NEK10: variants seen among roughly 807,000 people sequenced by gnomAD.
The protein encoded by NEK10 is serine/threonine-protein kinase Nek10.
In NEK10, 122 loss-of-function variants were observed where a neutral mutation model predicts 159.8. The ratio of observed to expected loss-of-function variants is 0.76; its 90% CI spans 0.66 to 0.89. The LOEUF is 0.89. NEK10 is among the 40% of genes least tolerant of loss of function. The pLI, the probability that NEK10 is intolerant of heterozygous loss-of-function variation, is 0.00. For missense variants in NEK10, 1,342 were observed against 1,323.1 expected (o/e 1.01, Z -0.22); for synonymous variants, 466 against 457.1 (o/e 1.02, Z -0.25).
In NEK10 at chr3:27,162,693, TAA is replaced by T. The variant is rs753169219; in HGVS notation, c.2869+6_2869+7del. ...TGTTTGATTTTATTGCTACCAACAC[TAA>T]GTTACCTGGTCTTGGTCTTGATCCT... On this transcript the variant is annotated splice_donor_region_variant and intron_variant, in intron 30 of 35. Coordinates refer to ENST00000691995, the MANE Select transcript of NEK10 (RefSeq NM_001394966.1). 7.0e-5 allele frequency: 113 copies of T among 1,613,940 alleles called. No homozygotes were observed. The Admixed American group carries it at 1.9e-3, about 27-fold the overall frequency.
chr3:27,368,887 T>C (rs1012323017), intron 1 of NEK10: 3 of 152,222 alleles, frequency 2.0e-5, no homozygotes, highest in African/African-American at 7.2e-5. Context: ...AGATGAAGAA[T>C]GAACCTCCAG....
intron 6 of NEK10, among the ~76,000 whole-genome samples, chr3:27,316,592 TG>T (rs2045203105): frequency 6.6e-6 from 1 of 151,892 alleles, no homozygotes; most frequent in Non-Finnish European, 1.5e-5. Flanking sequence ...AGCTTGGGAG[TG>T]GGAAGACACC....
At chr3:27,249,870 A>C (rs1955475313) in intron 23 of NEK10, among the ~76,000 whole-genome samples, 1 of 151,998 alleles carries the variant, frequency 6.6e-6, no homozygotes, top group Non-Finnish European at 1.5e-5. Context: ...ATTACTTTTT[A>C]CTTTTTGTGT....
intron 28 of NEK10, among the ~76,000 whole-genome samples, chr3:27,173,918 T>G (rs969074358): frequency 2.0e-5 from 3 of 152,196 alleles, no homozygotes; most frequent in Non-Finnish European, 4.4e-5. Flanking sequence ...TTTTCTTTAC[T>G]GTTTTAAATT....
At chr3:27,162,984 T>C (rs1469980880) in intron 29 of NEK10, among the ~76,000 whole-genome samples, 1 of 152,144 alleles carries the variant, frequency 6.6e-6, no homozygotes, top group African/African-American at 2.4e-5. Context: ...ACTAAGAGCC[T>C]AAATTTTAGG....
At chr3:27,301,639 G>C (rs1424761688) in intron 13 of NEK10, 57 bp downstream of exon 13, 4 of 1,329,542 alleles carry the variant, frequency 3.0e-6, no homozygotes, top group Middle Eastern at 1.8e-4. Context: ...ATCTATGATA[G>C]TGAATAATAA....
intron 3 of NEK10, among the ~76,000 whole-genome samples, chr3:27,347,090 G>A (rs1260143782): frequency 1.3e-5 from 2 of 152,068 alleles, no homozygotes; most frequent in African/African-American, 4.8e-5. Flanking sequence ...TTACAGATGA[G>A]GTAAGCAGAG....
chr3:27,331,262 A>AAAAAAAAAAAAAAAAAAAAACAC lies in NEK10; in HGVS notation c.363-9002_363-9001insGTGTTTTTTTTTTTTTTTTTTTT. Among the ~76,000 whole-genome samples the AAAAAAAAAAAAAAAAAAAAACAC allele has an allele frequency of 1.2e-4, 13 of 110,140 alleles. 2 individuals carry two copies. The highest frequency in any genetic ancestry group is 2.2e-4 in the Non-Finnish European group (11 of 51,062). The allele number at this position is 110,140 out of a possible 152,430, so 72.3% of individuals were successfully genotyped here. On this transcript the variant is annotated intron_variant, in intron 5 of 35. Coordinates refer to ENST00000691995, the MANE Select transcript of NEK10 (RefSeq NM_001394966.1). ...CAAAAAAAAAAAAACAAAAAAAAAA[A>AAAAAAAAAAAAAAAAAAAAACAC]ACACACAAACCTAAGACTTTTGAGG...
At chr3:27,222,014 T>C (rs1952148862) in intron 23 of NEK10, among the ~76,000 whole-genome samples, 1 of 152,184 alleles carries the variant, frequency 6.6e-6, no homozygotes, top group South Asian at 2.1e-4. Flanking sequence ...TGGTTACCTC[T>C]GGGTAGGAAG....
chr3:27,288,026 A>C (rs1056611999), intron 19 of NEK10, among the ~76,000 whole-genome samples: 1 of 152,236 alleles, frequency 6.6e-6, no homozygotes, highest in African/African-American at 2.4e-5. Flanking sequence ...AGAACTATAG[A>C]GGTAGAAGGA....
chr3:27,341,695 G>A (rs569043721), intron 5 of NEK10, among the ~76,000 whole-genome samples: 2 of 152,234 alleles, frequency 1.3e-5, no homozygotes, highest in South Asian at 4.1e-4. Context: ...CTGAGAATGG[G>A]GGAGTAATCA....
chr3:27,337,151 A>G (rs1289434459), intron 5 of NEK10, among the ~76,000 whole-genome samples: 1 of 152,200 alleles, frequency 6.6e-6, no homozygotes, highest in Non-Finnish European at 1.5e-5. Context: ...AACCTACAAA[A>G]ATCAGTAGAA....
In NEK10 at chr3:27,304,935, C is replaced by A; in HGVS notation, c.840G>T (p.Glu280Asp). 1 of 1,613,324 alleles carries A rather than the reference C, an allele frequency of 6.2e-7. No homozygotes were observed. The highest frequency in any genetic ancestry group is 8.5e-7 in the Non-Finnish European group (1 of 1,179,720). ...TAELLRLLCAEPQVKEQVKLY... is the reference protein window; with the variant it reads ...TAELLRLLCADPQVKEQVKLY... ...GCTTCACCTGCTCTTTCACCTGGGGCTCTGCACAAAGTAGGCGCAGCAACT... is the reference window on the plus strand; with the variant it reads ...GCTTCACCTGCTCTTTCACCTGGGGATCTGCACAAAGTAGGCGCAGCAACT... The change falls in exon 12 of 36, where the codon GAG (glutamate) becomes GAT (aspartate). Residue 280 changes from glutamate (E) to aspartate (D), a missense_variant. Transcript: ENST00000691995.
intron 26 of NEK10, among the ~76,000 whole-genome samples, chr3:27,182,226 G>A (rs1291556693): frequency 1.3e-5 from 2 of 152,086 alleles, no homozygotes; most frequent in Non-Finnish European, 2.9e-5. Context: ...ATACTGTGTG[G>A]TAATGCATAT....
chr3:27,350,090 C>A lies in NEK10; in HGVS notation c.132+2375G>T, dbSNP rs907904838. 5.3e-5 allele frequency among the ~76,000 whole-genome samples: 8 copies of A among 152,156 alleles called. 1 individual carries two copies. Among genetic ancestry groups the A allele is most frequent in the Admixed American group, 4.6e-4 (7 of 15,262 alleles). On this transcript the variant is annotated intron_variant, in intron 3 of 35. Coordinates refer to ENST00000691995, the MANE Select transcript of NEK10 (RefSeq NM_001394966.1). ...ATTTCCTCTGTAACCTGAATTTGGC[C>A]AGCCTGGTTCATTTGCAAAAAACAG...
intron 5 of NEK10, among the ~76,000 whole-genome samples, chr3:27,341,999 G>A (rs943324505): frequency 1.3e-5 from 2 of 151,594 alleles, no homozygotes; most frequent in Non-Finnish European, 2.9e-5. Flanking sequence ...AGTTAGTTGT[G>A]TTAATACAAA....
At position 27,193,779 on chromosome 3, in the gene NEK10, C is replaced by A. The variant is rs559802257; in HGVS notation, c.2292-1537G>T. 2.3e-4 allele frequency among the ~76,000 whole-genome samples: 35 copies of A among 151,954 alleles called. 1 individual carries two copies. In the East Asian group the frequency reaches 6.6e-3, roughly 29 times the overall value. On this transcript the variant is annotated intron_variant, in intron 25 of 35. Transcript: ENST00000691995. The stretch of plus-strand genomic sequence containing the variant: ...GCCCCTTTTGTACATTCTTTTTGCA[C>A]CATTTGCACTTAAGTACTTAAAACT...
At chr3:27,329,517 T>G (rs2046249505) in intron 5 of NEK10, among the ~76,000 whole-genome samples, 1 of 152,182 alleles carries the variant, frequency 6.6e-6, no homozygotes, top group East Asian at 1.9e-4. Flanking sequence ...CATGAGAAAC[T>G]GTCATTTATT....
chr3:27,271,158 T>C (rs1412143396), intron 22 of NEK10, among the ~76,000 whole-genome samples: 2 of 110,380 alleles, frequency 1.8e-5, no homozygotes, highest in African/African-American at 6.4e-5. Context: ...CTTCTATCTA[T>C]CTATCTATCT....
Sources: allele counts gnomAD v4.1 joint callset (sites outside exome capture counted in the v4.1 genomes callset), GRCh38; gene constraint gnomAD v4.1.1; transcripts MANE v1.5; gene names NCBI Gene and HGNC (gene_info 2026-07-23, HGNC 2026-07-21).